The following RAB39A variants were observed in gnomAD, a reference collection of about 807,000 sequenced individuals.
RAB39A encodes the protein RAB39A, member RAS oncogene family.
RAB39A carries 17 observed loss-of-function variants against 20.9 expected under a neutral mutation model. The ratio of observed to expected loss-of-function variants is 0.81; its 90% CI spans 0.56 to 1.22. The LOEUF is 1.22. Among genes scored for constraint, RAB39A ranks in the 50% most tolerant of loss-of-function variants. The probability of loss-of-function intolerance (pLI) is 0.00; values close to 1 mark genes in which losing one functional copy is unlikely to be tolerated. For synonymous variants in RAB39A, 99 were observed against 103.4 expected, an observed-to-expected ratio of 0.96 and a Z score of 0.26; for missense variants, 234 against 270.5, an observed-to-expected ratio of 0.87 and a Z score of 0.95.
At chr11:107,937,356 T>C (rs1861205415) in intron 1 of RAB39A, among the ~76,000 whole-genome samples, 1 of 151,826 alleles carries the variant, frequency 6.6e-6, no homozygotes, top group Non-Finnish European at 1.5e-5. Context: ...CCCAGGCTGG[T>C]TTTGAACTTC....
intron 1 of RAB39A, among the ~76,000 whole-genome samples, chr11:107,947,162 C>G (rs1347940055): frequency 6.6e-6 from 1 of 151,808 alleles, no homozygotes; most frequent in Non-Finnish European, 1.5e-5. Flanking sequence ...AGTGCAGTGG[C>G]GTGATCTCGG....
chr11:107,948,451 C>T (rs190435555), intron 1 of RAB39A, among the ~76,000 whole-genome samples: 96 of 152,130 alleles, frequency 6.3e-4, no homozygotes, highest in African/African-American at 2.1e-3. Context: ...GCAGAAGTTG[C>T]ATGTGGTGAT....
chr11:107,957,430 G>GT lies in RAB39A; in HGVS notation c.228-4515dup, dbSNP rs1861448908. On this transcript the variant is annotated intron_variant, in intron 1 of 1. Transcript: ENST00000320578. ...CTCCTGATCCTAGAGAATGGGCAAC[G>GT]TGAGTGTGCTGCAGGGGAAGCAGTG... 5.3e-5 allele frequency among the ~76,000 whole-genome samples: 8 copies of GT among 152,348 alleles called. No individual in the cohort carries two copies. In the South Asian group the frequency reaches 1.7e-3, roughly 32 times the overall value.
intron 1 of RAB39A, among the ~76,000 whole-genome samples, chr11:107,946,436 G>GTGTGTA (rs1315934948): frequency 4.7e-3 from 143 of 30,460 alleles, no homozygotes; most frequent in Non-Finnish European, 6.3e-3. Context: ...GTGTGTGTGT[G>GTGTGTA]TATATATATA....
At position 107,962,214 on chromosome 11, in the gene RAB39A, G is replaced by A. The variant is rs771469391; in HGVS notation, c.496G>A (p.Glu166Lys). The change falls in exon 2 of 2, where the codon GAA becomes AAA. Residue 166 changes from glutamate to lysine, a missense_variant. By Grantham distance (56) the Glu-to-Lys change is moderately conservative. Coordinates refer to ENST00000320578, the MANE Select transcript of RAB39A (RefSeq NM_017516.3). ...AGCAAAGGATGCTACAAATGTTGAA[G>A]AATCCTTCACAATCTTGACGAGAGA... The part of the protein sequence containing the change: ...TSAKDATNVE[E>K]SFTILTRDIY... The A allele has an allele frequency of 6.2e-7, 1 of 1,614,076 alleles. No individual in the cohort carries two copies. Among genetic ancestry groups the A allele is most frequent in the Non-Finnish European group, 8.5e-7 (1 of 1,179,990 alleles).
At chr11:107,947,108 A>G (rs1356818407) in intron 1 of RAB39A, among the ~76,000 whole-genome samples, 1 of 147,346 alleles carries the variant, frequency 6.8e-6, no homozygotes, top group Non-Finnish European at 1.5e-5. Context: ...GAAAAAGATG[A>G]TTTTTTTTTT....
At chr11:107,944,738 T>C (rs1861292708) in intron 1 of RAB39A, among the ~76,000 whole-genome samples, 1 of 152,026 alleles carries the variant, frequency 6.6e-6, no homozygotes, top group African/African-American at 2.4e-5. Context: ...CTTAAATAAG[T>C]TTCAGTGACA....
intron 1 of RAB39A, among the ~76,000 whole-genome samples, chr11:107,941,407 T>A (rs907852749): frequency 1.3e-5 from 2 of 152,142 alleles, no homozygotes; most frequent in Non-Finnish European, 1.5e-5. Context: ...CTCTTGCAGT[T>A]TATTCTCTCA....
chr11:107,939,772 G>A (rs1349334850), intron 1 of RAB39A, among the ~76,000 whole-genome samples: 1 of 152,108 alleles, frequency 6.6e-6, no homozygotes, highest in Non-Finnish European at 1.5e-5. Context: ...GTATTGATAT[G>A]TGGCTGATGG....
rs182391715 is a variant in RAB39A, at chr11:107,931,101, C to T, written c.227+2306C>T. Among the ~76,000 whole-genome samples the T allele has an allele frequency of 3.4e-3, 513 of 151,572 alleles. 3 individuals are homozygous for T. The highest frequency in any genetic ancestry group is 0.012 in the African/African-American group (479 of 41,360). ...CAGCAATTCTGCAGCCTCAGCCTCC[C>T]GAGTAGCTGGGATTACAGGCATGCA... On this transcript the variant is annotated intron_variant, in intron 1 of 1. Transcript: ENST00000320578.
intron 1 of RAB39A, among the ~76,000 whole-genome samples, chr11:107,958,858 G>A (rs1489570378): frequency 6.6e-6 from 1 of 152,126 alleles, no homozygotes; most frequent in African/African-American, 2.4e-5. Flanking sequence ...GGTGGCTCAT[G>A]CCTGTTATCC....
chr11:107,962,410 G>C lies in RAB39A; in HGVS notation c.*38G>C, dbSNP rs1356513724. The C allele has an allele frequency of 5.2e-6, 8 of 1,536,894 alleles. No individual in the cohort carries two copies. Among genetic ancestry groups the C allele is most frequent in the Non-Finnish European group, 7.0e-6 (8 of 1,135,556 alleles). On this transcript the variant is annotated 3_prime_UTR_variant, in exon 2 of 2. Transcript: ENST00000320578. ...TGAAGAACTAACAGGAACAGATTGG[G>C]TGTCAGTTCAGGATAAATACCAACA...
In RAB39A at chr11:107,928,469, G is replaced by A; in HGVS notation, c.-100G>A. 6 of 870,282 alleles carry A rather than the reference G, an allele frequency of 6.9e-6. No homozygotes were observed. The highest frequency in any genetic ancestry group is 9.5e-6 in the Non-Finnish European group (6 of 631,514). 53.9% of individuals were successfully genotyped at this position (870,282 alleles called of 1,614,324 possible). ...CCGCAGCCGCAGGAATATGCTGGAA[G>A]GCGGCGGGCGGGCGCCCGCGAGGTG... On this transcript the variant is annotated 5_prime_UTR_variant, in exon 1 of 2. Coordinates refer to ENST00000320578, the MANE Select transcript of RAB39A (RefSeq NM_017516.3). This position sits in a 1 kb window ranked among gnomAD's most constrained non-coding sequence, Gnocchi z 4.9.
At chr11:107,942,002 G>A (rs1441015949) in intron 1 of RAB39A, among the ~76,000 whole-genome samples, 1 of 151,314 alleles carries the variant, frequency 6.6e-6, no homozygotes, top group Non-Finnish European at 1.5e-5. Flanking sequence ...AGGAGGCTGA[G>A]GCAGGAGAAT....
intron 1 of RAB39A, among the ~76,000 whole-genome samples, chr11:107,949,943 C>A (rs186586138): frequency 6.6e-6 from 1 of 151,566 alleles, no homozygotes; most frequent in Non-Finnish European, 1.5e-5. Context: ...GAGGCCGAGG[C>A]GGGCGTATTA....
Position 107,962,488 on chromosome 11 carries a change from C to A in RAB39A, c.*116C>A. ...ATTTAAAAAGGTTACAAACCCACAC[C>A]AATACTATTTTATAAGGTATTTGAT... On this transcript the variant is annotated 3_prime_UTR_variant, in exon 2 of 2. Transcript: ENST00000320578. 2 of 948,110 alleles carry A rather than the reference C, an allele frequency of 2.1e-6. No homozygotes were observed. The highest frequency in any genetic ancestry group is 3.1e-6 in the Non-Finnish European group (2 of 651,504). The allele number at this position is 948,110 out of a possible 1,614,324, so 58.7% of individuals were successfully genotyped here.
chr11:107,956,523 C>T (rs1311157600), intron 1 of RAB39A, among the ~76,000 whole-genome samples: 1 of 152,186 alleles, frequency 6.6e-6, no homozygotes, highest in African/African-American at 2.4e-5. Context: ...GCCATTTGTC[C>T]TTCTATGGAG....
chr11:107,948,709 G>A (rs559535196), intron 1 of RAB39A, among the ~76,000 whole-genome samples: 139 of 152,074 alleles, frequency 9.1e-4, no homozygotes, highest in African/African-American at 3.1e-3. Flanking sequence ...CAAAGTGCTG[G>A]GATTACAAGC....
At chr11:107,943,650 G>T (rs1861281568) in intron 1 of RAB39A, among the ~76,000 whole-genome samples, 1 of 151,686 alleles carries the variant, frequency 6.6e-6, no homozygotes, top group Non-Finnish European at 1.5e-5. Context: ...TTAAATATAT[G>T]CCAGGCACTA....
Sources: allele counts gnomAD v4.1 joint callset (sites outside exome capture counted in the v4.1 genomes callset), GRCh38; gene constraint gnomAD v4.1.1; non-coding constraint Gnocchi (gnomAD v3.1); transcripts MANE v1.5; gene names NCBI Gene and HGNC (gene_info 2026-07-23, HGNC 2026-07-21).